CCDC142: variants seen among roughly 807,000 people sequenced by gnomAD.
The protein encoded by CCDC142 is coiled-coil domain-containing protein 142.
Under a neutral mutation model 83.8 loss-of-function variants are expected in CCDC142, and 67 were observed. The ratio of observed to expected loss-of-function variants is 0.80; its 90% CI spans 0.66 to 0.98. CCDC142 has a LOEUF of 0.98. Among genes scored for constraint, CCDC142 ranks in the 50% least tolerant of loss-of-function variants. CCDC142 has a pLI of 0.00. For missense variants in CCDC142, 905 were observed against 946.8 expected, an observed-to-expected ratio of 0.96 and a Z score of 0.58; for synonymous variants, 421 against 421.2, an observed-to-expected ratio of 1.00 and a Z score of 0.01.
At chr2:74,475,458 G>C in intron 6 of CCDC142, 56 bp from the exon 7 acceptor site, 1 of 1,518,566 alleles carries the variant, frequency 6.6e-7, no homozygotes, top group South Asian at 1.3e-5. Flanking sequence ...CCCCTAAATG[G>C]AGTGTTTGGG....
intron 5 of CCDC142, among the ~76,000 whole-genome samples, chr2:74,476,233 C>T (rs1240220140): frequency 1.3e-5 from 2 of 152,218 alleles, no homozygotes; most frequent in Admixed American, 6.5e-5. Context: ...AGTGCAGTGG[C>T]GTGATCTCGG....
Position 74,474,512 on chromosome 2 carries a change from G to A in CCDC142, c.*34C>T, listed in dbSNP as rs756246933. ...TGGATTTTCCAGCTAGAGATGGGGA[G>A]CTCTTAACTTTCTGGCTCCTGGTCC... On this transcript the variant is annotated 3_prime_UTR_variant, in exon 9 of 9. Coordinates refer to ENST00000393965, the MANE Select transcript of CCDC142 (RefSeq NM_001365575.2). 1 of 1,553,830 alleles carries A rather than the reference G, an allele frequency of 6.4e-7. No individual in the cohort carries two copies. Among genetic ancestry groups the A allele is most frequent in the South Asian group, 1.2e-5 (1 of 82,588 alleles).
At chr2:74,476,152 T>C (rs1001869294) in intron 5 of CCDC142, among the ~76,000 whole-genome samples, 4 of 143,698 alleles carry the variant, frequency 2.8e-5, no homozygotes, top group Admixed American at 1.4e-4. Context: ...GGGCAGAAAT[T>C]GAGGGAAGAA....
In CCDC142 at chr2:74,472,901, C is replaced by T. The variant is rs1672223502; in HGVS notation, c.*1645G>A. On this transcript the variant is annotated 3_prime_UTR_variant, in exon 9 of 9. Coordinates refer to ENST00000393965, the MANE Select transcript of CCDC142 (RefSeq NM_001365575.2). ...CAAATACAGCCTATCATGAATAGTC[C>T]TCTCATACGACGGTGAAAACCATAA... 2 of 575,262 alleles carry T rather than the reference C, an allele frequency of 3.5e-6. No homozygotes were observed. The highest frequency in any genetic ancestry group is 2.0e-5 in the South Asian group (1 of 49,436). 35.6% of individuals were successfully genotyped at this position (575,262 alleles called of 1,614,324 possible).
At chr2:74,478,741 C>T (rs901287299) in intron 5 of CCDC142, among the ~76,000 whole-genome samples, 1 of 151,918 alleles carries the variant, frequency 6.6e-6, no homozygotes, top group Admixed American at 6.6e-5. Context: ...AGTAGCTGGG[C>T]ATTGGCCGGG....
At chr2:74,476,141 TG>T (rs1672320755) in intron 5 of CCDC142, among the ~76,000 whole-genome samples, 1 of 143,598 alleles carries the variant, frequency 7.0e-6, no homozygotes, top group African/African-American at 2.7e-5. Context: ...TGATCTGCAA[TG>T]GGCAGAAATT....
Position 74,481,836 on chromosome 2 carries a change from C to G in CCDC142, c.1002G>C (p.Leu334=), listed in dbSNP as rs376525286. Residue 334 remains leucine (L), a synonymous_variant, in exon 1 of 9, where the codon CTG becomes CTC. Coordinates refer to ENST00000393965, the MANE Select transcript of CCDC142 (RefSeq NM_001365575.2). The stretch of plus-strand genomic sequence containing the variant: ...ACTCACCCTGACCCAGTGCCTGACT[C>G]AGCTGTTGCGCTGTTGCCCTGGGGT... ...WRDPRATAQQ[L]SQALGQASLP... The G allele has an allele frequency of 1.9e-6, 3 of 1,612,684 alleles. No homozygotes were observed. Among genetic ancestry groups the G allele is most frequent in the Non-Finnish European group, 2.5e-6 (3 of 1,178,958 alleles).
At chr2:74,478,792 T>C (rs1672382522) in intron 5 of CCDC142, among the ~76,000 whole-genome samples, 1 of 151,128 alleles carries the variant, frequency 6.6e-6, no homozygotes, top group Non-Finnish European at 1.5e-5. Context: ...TTTGGGAGGC[T>C]GAGGTGGGTG....
At chr2:74,479,361 A>G (rs1305405537) in intron 5 of CCDC142, among the ~76,000 whole-genome samples, 1 of 152,214 alleles carries the variant, frequency 6.6e-6, no homozygotes, top group African/African-American at 2.4e-5. Flanking sequence ...CAGGAAAACA[A>G]AAAACCAGAC....
chr2:74,476,521 G>A (rs1318788572), intron 5 of CCDC142, among the ~76,000 whole-genome samples: 2 of 152,070 alleles, frequency 1.3e-5, no homozygotes, highest in Non-Finnish European at 2.9e-5. Context: ...AGGAAGACAA[G>A]AACTGTATGT....
intron 5 of CCDC142, among the ~76,000 whole-genome samples, chr2:74,477,073 C>A (rs760124657): frequency 3.3e-5 from 5 of 152,174 alleles, no homozygotes; most frequent in Admixed American, 1.3e-4. Context: ...GTCTCTCCCC[C>A]ACCCACTGGG....
chr2:74,478,533 T>C (rs1480589188), intron 5 of CCDC142, among the ~76,000 whole-genome samples: 1 of 151,784 alleles, frequency 6.6e-6, no homozygotes, highest in Non-Finnish European at 1.5e-5. Flanking sequence ...CCTGCCACCA[T>C]ACCGGCTACT....
Position 74,481,718 on chromosome 2 carries a change from G to A in CCDC142, c.1021+99C>T, listed in dbSNP as rs1672476406. ...TGAACCCAGGGGTGTTCTTTCTAAAGGGCCTGCTTTTGCCTTCAGGATGGC... is the reference window on the plus strand; with the variant it reads ...TGAACCCAGGGGTGTTCTTTCTAAAAGGCCTGCTTTTGCCTTCAGGATGGC... On this transcript the variant is annotated intron_variant, in intron 1 of 8. Coordinates refer to ENST00000393965, the MANE Select transcript of CCDC142 (RefSeq NM_001365575.2). The A allele has an allele frequency of 1.2e-5, 17 of 1,457,124 alleles. No homozygotes were observed. The South Asian group carries it at 1.9e-4, about 16-fold the overall frequency. 90.3% of individuals were successfully genotyped at this position (1,457,124 alleles called of 1,614,324 possible).
In CCDC142 at chr2:74,475,653, T is replaced by A; in HGVS notation, c.1577A>T (p.Tyr526Phe). Residue 526 changes from tyrosine to phenylalanine, a missense_variant, in exon 6 of 9, where the codon TAC (tyrosine) becomes TTC (phenylalanine). By Grantham distance (22) the Tyr-to-Phe change is conservative (BLOSUM62 3). Coordinates refer to ENST00000393965, the MANE Select transcript of CCDC142 (RefSeq NM_001365575.2). Reference sequence around the variant, plus strand: ...CCGCCAGTACCGACCCCGTGGCATGTAGAGCTTGAAACCTTGCATGGCTTG... The same window carrying A: ...CCGCCAGTACCGACCCCGTGGCATGAAGAGCTTGAAACCTTGCATGGCTTG... ...HKQAMQGFKL[Y>F]MPRGRYWRLR... The A allele has an allele frequency of 1.9e-6, 3 of 1,614,088 alleles. No individual in the cohort carries two copies. The highest frequency in any genetic ancestry group is 2.5e-6 in the Non-Finnish European group (3 of 1,180,006).
At chr2:74,478,982 C>T (rs559264246) in intron 5 of CCDC142, among the ~76,000 whole-genome samples, 3 of 148,884 alleles carry the variant, frequency 2.0e-5, no homozygotes, top group African/African-American at 5.0e-5. Context: ...GTAGAGATCA[C>T]GCCACTGCAC....
rs774873344 is a variant in CCDC142 at position 74,482,444 on chromosome 2, C to A, written c.394G>T (p.Gly132Cys). 3.2e-6 allele frequency: 5 copies of A among 1,553,352 alleles called. 1 individual carries two copies. In the South Asian group the frequency reaches 5.9e-5, roughly 18 times the overall value. The change falls in exon 1 of 9, where the codon GGC (glycine) becomes TGC (cysteine). Residue 132 changes from glycine to cysteine, a missense_variant. Around this residue, in one of 3 missense-constraint regions of CCDC142, gnomAD observed 591 missense variants for 571.4 expected, o/e 1.03. Coordinates refer to ENST00000393965, the MANE Select transcript of CCDC142 (RefSeq NM_001365575.2). This position sits in a 1 kb window ranked among gnomAD's most constrained non-coding sequence, Gnocchi z 5.0. ...MKTLSPGSPS[G>C]GPSPLPQWCR... ...CACTGGGGCAAGGGGCTAGGGCCGCCGGATGGCGAGCCAGGACTCAGGGTC... is the reference window on the plus strand; with the variant it reads ...CACTGGGGCAAGGGGCTAGGGCCGCAGGATGGCGAGCCAGGACTCAGGGTC...
chr2:74,476,622 C>A (rs1477056465), intron 5 of CCDC142, among the ~76,000 whole-genome samples: 2 of 152,172 alleles, frequency 1.3e-5, no homozygotes, highest in African/African-American at 4.8e-5. Flanking sequence ...TATTATTATT[C>A]TTCACAGCCC....
chr2:74,482,423 G>A lies in CCDC142; in HGVS notation c.415C>T (p.Gln139Ter). Residue 139 changes from glutamine (Q) to a stop codon, truncating the protein, a stop_gained, in exon 1 of 9, where the codon CAG becomes TAG. Transcript: ENST00000393965. LOFTEE classifies it high-confidence loss of function. This position sits in a 1 kb window ranked among gnomAD's most constrained non-coding sequence, Gnocchi z 5.0. ...TGCAGCTGCAGGTCGCGGCACCACT[G>A]GGGCAAGGGGCTAGGGCCGCCGGAT... ...SPSGGPSPLP[Q>*]WCRDLQLHPS... 6.4e-7 allele frequency: 1 copy of A among 1,558,570 alleles called. No homozygotes were observed.
rs878914956 is a variant in CCDC142 at position 74,472,835 on chromosome 2, T to C, written c.*1711A>G. On this transcript the variant is annotated 3_prime_UTR_variant, in exon 9 of 9. Transcript: ENST00000393965. ...AGGAAGGCAGGAAAGAAAGAGGTGG[T>C]TTCGGCACAACGCATGGGGGAGCCC... 1.1e-4 allele frequency: 73 copies of C among 684,906 alleles called. 1 individual carries two copies. The South Asian group carries it at 1.3e-3, about 12-fold the overall frequency. The allele number at this position is 684,906 out of a possible 1,614,324, so 42.4% of individuals were successfully genotyped here.
Sources: gnomAD v4.1 joint callset for allele counts (sites outside exome capture counted in the v4.1 genomes callset) on GRCh38, gnomAD v4.1.1 for gene constraint, gnomAD v4.1.1 regional missense constraint, Gnocchi (gnomAD v3.1) non-coding constraint, MANE v1.5 for transcripts, NCBI Gene and HGNC (gene_info 2026-07-23, HGNC 2026-07-21) for gene names.